DENND4C: variants seen among roughly 807,000 people sequenced by gnomAD.
The protein encoded by DENND4C is DENN domain-containing protein 4C.
Under a neutral mutation model 203.0 loss-of-function variants are expected in DENND4C, and 108 were observed. That is an observed-to-expected ratio of 0.53 (90% CI 0.46 to 0.62). The LOEUF is 0.62. Ranked by LOEUF, DENND4C falls within the 20% of genes least tolerant of loss-of-function variation. The pLI is 0.00. For synonymous variants in DENND4C, 871 were observed against 792.4 expected (o/e 1.10, Z -1.67); for missense variants, 2,481 against 2,301.2 (o/e 1.08, Z -1.60).
At chr9:19,293,371 G>A (rs186871105) in intron 5 of DENND4C, among the ~76,000 whole-genome samples, 1 of 152,108 alleles carries the variant, frequency 6.6e-6, no homozygotes, top group Non-Finnish European at 1.5e-5. Flanking sequence ...GTGTATAAAG[G>A]CAAGGGTTAT....
At chr9:19,324,267 A>C (rs1427666004) in intron 12 of DENND4C, 95 bp from the exon 13 acceptor site, 7 of 879,118 alleles carry the variant, frequency 8.0e-6, no homozygotes, top group Middle Eastern at 3.6e-4. Context: ...GTATATATAA[A>C]GAGAATGTAA....
chr9:19,273,371 C>G (rs926842892), intron 1 of DENND4C, among the ~76,000 whole-genome samples: 1 of 151,988 alleles, frequency 6.6e-6, no homozygotes, highest in Non-Finnish European at 1.5e-5. Context: ...TAGGTGTAAG[C>G]CACCACGCTT....
intron 30 of DENND4C, among the ~76,000 whole-genome samples, chr9:19,366,376 C>T (rs1355881645): frequency 2.0e-5 from 3 of 152,164 alleles, no homozygotes; most frequent in South Asian, 2.1e-4. Context: ...CCGAGGCGGG[C>T]GGATCACGAG....
chr9:19,356,881 G>C (rs1825556249), intron 26 of DENND4C, 91 bp from the exon 27 acceptor site: 2 of 1,203,548 alleles, frequency 1.7e-6, no homozygotes, highest in Non-Finnish European at 2.4e-6. Context: ...ATTAATGACT[G>C]CTTTAGCAAT....
At chr9:19,313,582 T>C (rs1430094714) in intron 10 of DENND4C, among the ~76,000 whole-genome samples, 5 of 152,132 alleles carry the variant, frequency 3.3e-5, no homozygotes, top group Non-Finnish European at 7.4e-5. Context: ...TTGATCAGAG[T>C]TAAACTTGAC....
At chr9:19,327,840 C>A (rs1218836736) in intron 15 of DENND4C, among the ~76,000 whole-genome samples, 190 bp from the exon 16 acceptor site, 2 of 151,754 alleles carry the variant, frequency 1.3e-5, no homozygotes, top group Non-Finnish European at 2.9e-5. Flanking sequence ...GGGGAAGAGA[C>A]AAAATTTTCA....
intron 1 of DENND4C, among the ~76,000 whole-genome samples, chr9:19,255,887 C>G (rs1056450087): frequency 2.0e-5 from 3 of 152,148 alleles, no homozygotes; most frequent in African/African-American, 7.2e-5. Flanking sequence ...ATAGAGCCCT[C>G]TGTGCAACAA....
At chr9:19,305,567 T>C in intron 10 of DENND4C, 40 bp downstream of exon 10, 1 of 1,565,112 alleles carries the variant, frequency 6.4e-7, no homozygotes, top group Non-Finnish European at 8.7e-7. Context: ...ATTTATATTT[T>C]TCACTATGTA....
chr9:19,359,966 G>GA lies in DENND4C; in HGVS notation c.5161-271dup, dbSNP rs150618345. Among the ~76,000 whole-genome samples the GA allele has an allele frequency of 4.7e-3, 709 of 151,928 alleles. 3 individuals carry two copies. The highest frequency in any genetic ancestry group is 0.016 in the African/African-American group (651 of 41,458). On this transcript the variant is annotated intron_variant, in intron 28 of 32. Coordinates refer to ENST00000434457, the MANE Select transcript of DENND4C (RefSeq NM_001330640.2). ...AATGCAAATATTTCTTATAAAAATT[G>GA]AAAAAAACCTAATACATTCAGGCCA...
chr9:19,257,590 C>G (rs1434147791), intron 1 of DENND4C, among the ~76,000 whole-genome samples: 5 of 151,766 alleles, frequency 3.3e-5, no homozygotes, highest in Admixed American at 6.6e-5. Flanking sequence ...AACAGAAAAG[C>G]AAGAGAAAAA....
Position 19,358,656 on chromosome 9 carries a change from A to G in DENND4C, c.5160+496A>G, listed in dbSNP as rs1369189762. ...GTATGTGTGGGTTGTAGTTTGAGGAATCAGGATCAAATAAAGTCAGTGTAT... is the reference window on the plus strand; with the variant it reads ...GTATGTGTGGGTTGTAGTTTGAGGAGTCAGGATCAAATAAAGTCAGTGTAT... On this transcript the variant is annotated intron_variant, in intron 28 of 32. Coordinates refer to ENST00000434457, the MANE Select transcript of DENND4C (RefSeq NM_001330640.2). This position sits in a 1 kb window ranked among gnomAD's most constrained non-coding sequence, Gnocchi z 4.8. 6.6e-6 allele frequency among the ~76,000 whole-genome samples: 1 copy of G among 151,888 alleles called. No homozygotes were observed.
chr9:19,305,415 G>C lies in DENND4C; in HGVS notation c.1375G>C (p.Val459Leu). The part of the protein sequence containing the change: ...IPLCPLSLAA[V>L]LSAPLPFIVG... ...CCTTTGTCCTCTTTCACTGGCTGCA[G>C]TGCTTAGTGCACCTTTACCATTTAT... The change falls in exon 10 of 33, where the codon GTG (valine) becomes CTG (leucine). Residue 459 changes from valine to leucine, a missense_variant. Physicochemically the swap from Val to Leu is conservative, Grantham distance 32. Around this residue, in one of 3 missense-constraint regions of DENND4C, gnomAD observed 2,289 missense variants for 2,113.3 expected, o/e 1.08. Coordinates refer to ENST00000434457, the MANE Select transcript of DENND4C (RefSeq NM_001330640.2). 6.2e-7 allele frequency: 1 copy of C among 1,613,924 alleles called. No individual in the cohort carries two copies. Among genetic ancestry groups the C allele is most frequent in the Non-Finnish European group, 8.5e-7 (1 of 1,179,912 alleles).
chr9:19,236,395 C>T (rs561567782), intron 1 of DENND4C, among the ~76,000 whole-genome samples: 78 of 152,008 alleles, frequency 5.1e-4, no homozygotes, highest in African/African-American at 1.8e-3. Context: ...TGTAAAAAGG[C>T]GTGAAGTAAT....
intron 1 of DENND4C, among the ~76,000 whole-genome samples, chr9:19,249,919 A>G (rs1236954985): frequency 6.6e-6 from 1 of 152,112 alleles, no homozygotes; most frequent in Non-Finnish European, 1.5e-5. Context: ...CAGCCTCCCA[A>G]ATTGCTGGGA....
chr9:19,356,930 A>C lies in DENND4C; in HGVS notation c.4782-42A>C, dbSNP rs1378555667. ...ATATGATAGAATTTTAGAAAACTTG[A>C]GGATTTTTAAAGGCTCTTTTTCCCC... On this transcript the variant is annotated intron_variant, in intron 26 of 32. Coordinates refer to ENST00000434457, the MANE Select transcript of DENND4C (RefSeq NM_001330640.2). 4 of 1,559,802 alleles carry C rather than the reference A, an allele frequency of 2.6e-6. No homozygotes were observed. In the African/African-American group the frequency reaches 5.5e-5, roughly 22 times the overall value.
intron 10 of DENND4C, among the ~76,000 whole-genome samples, chr9:19,311,893 T>G (rs1186637274): frequency 6.6e-6 from 1 of 152,166 alleles, no homozygotes; most frequent in Admixed American, 6.5e-5. Flanking sequence ...TTTGTCAAAA[T>G]TACAAATATA....
At chr9:19,353,726 A>T (rs532431018) in intron 26 of DENND4C, among the ~76,000 whole-genome samples, 1 of 152,258 alleles carries the variant, frequency 6.6e-6, no homozygotes, top group South Asian at 2.1e-4. Flanking sequence ...TGAGGTCAGG[A>T]GTTCGAGACC....
intron 1 of DENND4C, among the ~76,000 whole-genome samples, chr9:19,243,510 T>C (rs1358006244): frequency 6.6e-6 from 1 of 152,182 alleles, no homozygotes; most frequent in Non-Finnish European, 1.5e-5. Context: ...CGTTAAGCAG[T>C]CTCTCCCCAT....
chr9:19,363,075 T>A (rs1731723492), intron 30 of DENND4C, among the ~76,000 whole-genome samples: 2 of 152,290 alleles, frequency 1.3e-5, no homozygotes, highest in Middle Eastern at 3.4e-3. Flanking sequence ...ATCAGCAGGT[T>A]TGGTTTCTTC....
Sources: gnomAD v4.1 joint callset for allele counts (sites outside exome capture counted in the v4.1 genomes callset) on GRCh38, gnomAD v4.1.1 for gene constraint, gnomAD v4.1.1 regional missense constraint, Gnocchi (gnomAD v3.1) non-coding constraint, MANE v1.5 for transcripts, NCBI Gene and HGNC (gene_info 2026-07-23, HGNC 2026-07-21) for gene names.